RUFY2: variants seen among roughly 807,000 people sequenced by gnomAD.
The protein encoded by RUFY2 is RUN and FYVE domain-containing protein 2.
RUFY2 carries 49 observed loss-of-function variants against 94.4 expected under a neutral mutation model. The ratio of observed to expected loss-of-function variants is 0.52; its 90% CI spans 0.41 to 0.66. The LOEUF is 0.66. RUFY2 is among the 30% of genes least tolerant of loss of function. The pLI is 0.00. For synonymous variants in RUFY2, 255 were observed against 235.7 expected, an observed-to-expected ratio of 1.08 and a Z score of -0.75; for missense variants, 541 against 692.8, an observed-to-expected ratio of 0.78 and a Z score of 2.46.
chr10:68,377,540 A>C (rs1457075590), intron 12 of RUFY2: 3 of 985,306 alleles, frequency 3.0e-6, no homozygotes, highest in Non-Finnish European at 3.6e-6. Flanking sequence ...GCACGTGTGC[A>C]TATATGTTTA....
At chr10:68,359,479 AAT>A (rs948902660) in intron 15 of RUFY2, among the ~76,000 whole-genome samples, 45 of 143,714 alleles carry the variant, frequency 3.1e-4, no homozygotes, top group Admixed American at 1.3e-3. Flanking sequence ...TATATATAAA[AAT>A]ATATATAGTA....
At position 68,393,831 on chromosome 10, in the gene RUFY2, G is replaced by T. The variant is rs1327054882; in HGVS notation, c.584+244C>A. The T allele has an allele frequency of 2.6e-5, 16 of 613,860 alleles. No individual in the cohort carries two copies. In the East Asian group the frequency reaches 1.2e-3, roughly 45 times the overall value. The allele number at this position is 613,860 out of a possible 1,614,324, so 38.0% of individuals were successfully genotyped here. A position where few individuals can be genotyped will look rare whatever the true frequency, so the allele number is the denominator to read the frequency against. Reference sequence around the variant, plus strand: ...TATTCCAAAAAACCACTATTAAAATGGGTCTCAGTAACTACAGGTATAACC... The same window carrying T: ...TATTCCAAAAAACCACTATTAAAATTGGTCTCAGTAACTACAGGTATAACC... On this transcript the variant is annotated intron_variant, in intron 6 of 17. Transcript: ENST00000602465.
chr10:68,349,264 C>T (rs2046489580), intron 16 of RUFY2, among the ~76,000 whole-genome samples: 1 of 151,996 alleles, frequency 6.6e-6, no homozygotes. Flanking sequence ...ACCTGTAATC[C>T]CACCACTTTG....
At position 68,346,055 on chromosome 10, in the gene RUFY2, T is replaced by G. The variant is rs1404081038; in HGVS notation, c.1629A>C (p.Ala543=). ...CCTTTTCACAAAGTTTACAATGTGT[T>G]GCTTCTTTGTCTTTCAGCCAAACCA... ...QGLVWLKDKE[A]THCKLCEKEF... is the part of the protein sequence containing the mutation. The change falls in exon 17 of 18, where the codon GCA becomes GCC. Residue 543 remains alanine (A), a synonymous_variant. Coordinates refer to ENST00000602465, the MANE Select transcript of RUFY2 (RefSeq NM_001330103.2). 1 of 1,613,772 alleles carries G rather than the reference T, an allele frequency of 6.2e-7. No individual in the cohort carries two copies. The highest frequency in any genetic ancestry group is 8.5e-7 in the Non-Finnish European group (1 of 1,179,908).
intron 15 of RUFY2, 28 bp downstream of exon 15, chr10:68,363,562 T>A (rs2047605601): frequency 7.1e-7 from 1 of 1,411,588 alleles, no homozygotes; most frequent in South Asian, 1.2e-5. Context: ...CAATAATGAC[T>A]ACTTAGTTGA....
chr10:68,361,054 G>A (rs1307046269), intron 15 of RUFY2, among the ~76,000 whole-genome samples: 1 of 152,140 alleles, frequency 6.6e-6, no homozygotes, highest in African/African-American at 2.4e-5. Flanking sequence ...GGCCAAGGCA[G>A]GCAGATCACC....
downstream of RUFY2, chr10:68,341,504 G>T: frequency 1.8e-6 from 2 of 1,086,258 alleles, no homozygotes; most frequent in South Asian, 2.8e-5. Context: ...TTACTTAATT[G>T]ATCTTTTTTA....
At chr10:68,377,373 T>A (rs1051456653) in intron 12 of RUFY2, 12 of 1,041,074 alleles carry the variant, frequency 1.2e-5, no homozygotes, top group Non-Finnish European at 2.3e-6. Context: ...GAAGCCACAC[T>A]GTTATATGTT....
At chr10:68,385,566 C>A (rs148685245) in intron 8 of RUFY2, among the ~76,000 whole-genome samples, 13 of 151,826 alleles carry the variant, frequency 8.6e-5, no homozygotes, top group African/African-American at 3.1e-4. Flanking sequence ...AAGAGAGGGA[C>A]GGTATCATTT....
At position 68,393,279 on chromosome 10, in the gene RUFY2, AATT is replaced by A. The variant is rs202175673; in HGVS notation, c.585-79_585-77del. 1,686 of 678,982 alleles carry A rather than the reference AATT, an allele frequency of 2.5e-3. 22 individuals are homozygous for A. In the African/African-American group the frequency reaches 0.027, roughly 11 times the overall value. The allele number at this position is 678,982 out of a possible 1,614,324, so 42.1% of individuals were successfully genotyped here. ...GCACAAAAAAATCTAAATCATCTAA[AATT>A]ATTATAAAACTAAAATAATAAAACA... On this transcript the variant is annotated intron_variant, in intron 6 of 17. Transcript: ENST00000602465.
At chr10:68,363,507 T>A (rs1276410428) in intron 15 of RUFY2, 83 bp downstream of exon 15, 1 of 864,406 alleles carries the variant, frequency 1.2e-6, no homozygotes, top group Non-Finnish European at 1.7e-6. Flanking sequence ...ATATTTAAAC[T>A]CTTCTGCCTA....
intron 16 of RUFY2, among the ~76,000 whole-genome samples, chr10:68,348,042 G>A (rs2046402264): frequency 6.6e-6 from 1 of 151,880 alleles, no homozygotes; most frequent in African/African-American, 2.4e-5. Context: ...TTATTATACA[G>A]CAGAGATAAT....
Position 68,389,064 on chromosome 10 carries a change from T to C in RUFY2, c.651-2936A>G, listed in dbSNP as rs544253149. 9.2e-5 allele frequency among the ~76,000 whole-genome samples: 14 copies of C among 151,836 alleles called. No individual in the cohort carries two copies. In the South Asian group the frequency reaches 2.9e-3, roughly 32 times the overall value. ...CACAACACCATGACCAGCTAATTTT[T>C]TGTACTGTTTTGGGTGTATAGAGAC... On this transcript the variant is annotated intron_variant, in intron 7 of 17. Transcript: ENST00000602465.
At chr10:68,406,949 T>C (rs1564865087) in intron 1 of RUFY2, 3 of 1,551,008 alleles carry the variant, frequency 1.9e-6, no homozygotes, top group Non-Finnish European at 2.6e-6. Flanking sequence ...CCTCGAGCCC[T>C]CGGCCACTAT....
At chr10:68,342,600 T>C (rs2046031523), downstream of RUFY2, 1 of 152,674 alleles carries the variant, frequency 6.5e-6, no homozygotes, top group Non-Finnish European at 1.5e-5. Flanking sequence ...GGCATAGCTC[T>C]GAAACATTGA....
chr10:68,362,621 T>A (rs1373851798), intron 15 of RUFY2, among the ~76,000 whole-genome samples: 1 of 151,818 alleles, frequency 6.6e-6, no homozygotes, highest in Non-Finnish European at 1.5e-5. Flanking sequence ...CAAGACCCCA[T>A]CTCTATAAAC....
chr10:68,406,936 G>C, intron 1 of RUFY2: 1 of 1,555,152 alleles, frequency 6.4e-7, no homozygotes, highest in Non-Finnish European at 8.7e-7. Flanking sequence ...GGACGCCGTG[G>C]CACCTCGAGC....
In RUFY2 at chr10:68,386,273, T is replaced by C. The variant is rs184061071; in HGVS notation, c.651-145A>G. The C allele has an allele frequency of 7.0e-6, 4 of 567,480 alleles. No homozygotes were observed. The African/African-American group carries it at 7.6e-5, about 11-fold the overall frequency. 35.2% of individuals were successfully genotyped at this position (567,480 alleles called of 1,614,324 possible). Reference sequence around the variant, plus strand: ...TCTGAGTGTGGAAAATTTCATTAACTTGGATAACTTGATTTAGCTAGGAGG... The same window carrying C: ...TCTGAGTGTGGAAAATTTCATTAACCTGGATAACTTGATTTAGCTAGGAGG... On this transcript the variant is annotated intron_variant, in intron 7 of 17. Coordinates refer to ENST00000602465, the MANE Select transcript of RUFY2 (RefSeq NM_001330103.2).
chr10:68,370,231 G>A (rs994689814), intron 13 of RUFY2, among the ~76,000 whole-genome samples: 6 of 152,114 alleles, frequency 3.9e-5, no homozygotes, highest in Non-Finnish European at 8.8e-5. Context: ...GTTGCAGTGA[G>A]CCGAGATTGC....
Sources: gnomAD v4.1 joint callset for allele counts (sites outside exome capture counted in the v4.1 genomes callset) on GRCh38, gnomAD v4.1.1 for gene constraint, MANE v1.5 for transcripts, NCBI Gene and HGNC (gene_info 2026-07-23, HGNC 2026-07-21) for gene names.